Variants in NDST4 observed in about 807,000 individuals in gnomAD.
The protein encoded by NDST4 is N-deacetylase and N-sulfotransferase 4, also known as N-heparan sulfate sulfotransferase 4.
Under a neutral mutation model 100.8 loss-of-function variants are expected in NDST4, and 63 were observed. The ratio of observed to expected loss-of-function variants is 0.62; its 90% CI spans 0.51 to 0.77. The LOEUF is 0.77. Among genes scored for constraint, NDST4 ranks in the 30% least tolerant of loss-of-function variants. The probability of loss-of-function intolerance (pLI) is 0.00; values close to 1 mark genes in which losing one functional copy is unlikely to be tolerated. For synonymous variants in NDST4, 377 were observed against 361.8 expected (o/e 1.04, Z -0.48); for missense variants, 943 against 1,018.4 (o/e 0.93, Z 1.01).
At chr4:114,849,462 T>A (rs1277889401) in intron 8 of NDST4, among the ~76,000 whole-genome samples, 3 of 152,140 alleles carry the variant, frequency 2.0e-5, no homozygotes, top group Non-Finnish European at 2.9e-5. Context: ...CAGCAGATAA[T>A]TGGCATTTTG....
At chr4:114,911,603 CTATTGCA>C (rs1725063408) in intron 6 of NDST4, among the ~76,000 whole-genome samples, 1 of 152,138 alleles carries the variant, frequency 6.6e-6, no homozygotes, top group South Asian at 2.1e-4. Flanking sequence ...CAACTGAACA[CTATTGCA>C]GAGAAAGAGG....
At chr4:114,907,364 A>G (rs1394199974) in intron 6 of NDST4, among the ~76,000 whole-genome samples, 3 of 152,058 alleles carry the variant, frequency 2.0e-5, no homozygotes, top group African/African-American at 7.2e-5. Context: ...ACCTCACTAC[A>G]TTTCAGTTTA....
chr4:114,902,664 GTTTCTCTC>G (rs1420759905), intron 6 of NDST4, among the ~76,000 whole-genome samples: 1 of 151,642 alleles, frequency 6.6e-6, no homozygotes, highest in Non-Finnish European at 1.5e-5. Flanking sequence ...TATTCTCTTC[GTTTCTCTC>G]TTTCTCTCTT....
At chr4:115,043,141 A>C (rs1420926283) in intron 2 of NDST4, among the ~76,000 whole-genome samples, 3 of 152,068 alleles carry the variant, frequency 2.0e-5, no homozygotes, top group Non-Finnish European at 4.4e-5. Context: ...ATTTATTTTA[A>C]AGGCTCAAAG....
intron 3 of NDST4, among the ~76,000 whole-genome samples, chr4:114,976,251 G>A (rs937137699): frequency 1.3e-5 from 2 of 152,024 alleles, no homozygotes; most frequent in African/African-American, 4.8e-5. Flanking sequence ...AATAAATACT[G>A]TGAAATGTTT....
Position 114,986,830 on chromosome 4 carries a change from A to ATATATATATATATTTATTTATT in NDST4, c.979-9557_979-9556insAATAAATAAATATATATATATA, listed in dbSNP as rs1553959396. Among the ~76,000 whole-genome samples, 46 of 91,958 alleles carry ATATATATATATATTTATTTATT rather than the reference A, an allele frequency of 5.0e-4. 2 individuals are homozygous for ATATATATATATATTTATTTATT. Among genetic ancestry groups the ATATATATATATATTTATTTATT allele is most frequent in the African/African-American group, 1.8e-3 (42 of 23,318 alleles). 60.3% of individuals were successfully genotyped at this position (91,958 alleles called of 152,430 possible). On this transcript the variant is annotated intron_variant, in intron 2 of 13. Coordinates refer to ENST00000264363, the MANE Select transcript of NDST4 (RefSeq NM_022569.3). Reference sequence around the variant, plus strand: ...TATATATATATATATATATATATATATATTTTAATATACTATTCCTATAAG... The same window carrying ATATATATATATATTTATTTATT: ...TATATATATATATATATATATATATATATATATATATATTTATTTATTTATTTTAATATACTATTCCTATAAG...
chr4:114,909,271 G>C (rs189685250), intron 6 of NDST4, among the ~76,000 whole-genome samples: 115 of 152,290 alleles, frequency 7.6e-4, no homozygotes, highest in Middle Eastern at 3.4e-3. Flanking sequence ...AAAGCATATT[G>C]AGGATGTGTG....
chr4:114,833,781 C>CT, intron 11 of NDST4, 66 bp from the exon 12 acceptor site: 1 of 962,100 alleles, frequency 1.0e-6, no homozygotes, highest in Non-Finnish European at 1.6e-6. Flanking sequence ...TGATGCCTTC[C>CT]TTTACCTGGT....
chr4:114,925,074 T>C (rs1244815737), intron 6 of NDST4, among the ~76,000 whole-genome samples: 6 of 152,278 alleles, frequency 3.9e-5, no homozygotes, highest in Admixed American at 3.9e-4. Context: ...TATTATTTTA[T>C]GAAGATGAAT....
chr4:115,108,937 T>C (rs1408849959), intron 1 of NDST4, among the ~76,000 whole-genome samples: 1 of 131,618 alleles, frequency 7.6e-6, no homozygotes, highest in African/African-American at 2.8e-5. Flanking sequence ...CAAAAATGAA[T>C]GGAAATAAAG....
chr4:115,027,791 C>T (rs931322935), intron 2 of NDST4, among the ~76,000 whole-genome samples: 4 of 152,066 alleles, frequency 2.6e-5, no homozygotes, highest in East Asian at 1.9e-4. Flanking sequence ...CTTTGTCTTA[C>T]GCCTGTAATC....
chr4:114,837,438 T>C (rs554135833), intron 11 of NDST4, among the ~76,000 whole-genome samples: 63 of 152,240 alleles, frequency 4.1e-4, no homozygotes, highest in African/African-American at 1.4e-3. Flanking sequence ...AGTACAAGGC[T>C]ACAGTAACCA....
Position 114,929,108 on chromosome 4 carries a change from C to CTAT in NDST4, c.1536+6097_1536+6098insATA, listed in dbSNP as rs879528000. Reference sequence around the variant, plus strand: ...TCCATCCATCCATCCATCCATCCATCCATCCATCTATCTATCTATCTATCT... The same window carrying CTAT: ...TCCATCCATCCATCCATCCATCCATCTATCATCCATCTATCTATCTATCTATCT... On this transcript the variant is annotated intron_variant, in intron 6 of 13. Coordinates refer to ENST00000264363, the MANE Select transcript of NDST4 (RefSeq NM_022569.3). Among the ~76,000 whole-genome samples the CTAT allele has an allele frequency of 5.6e-3, 681 of 122,378 alleles. 5 individuals carry two copies. Among genetic ancestry groups the CTAT allele is most frequent in the Admixed American group, 8.4e-3 (104 of 12,454 alleles). 80.3% of individuals were successfully genotyped at this position (122,378 alleles called of 152,430 possible). A position where few individuals can be genotyped will look rare whatever the true frequency, so the allele number is the denominator to read the frequency against.
intron 2 of NDST4, among the ~76,000 whole-genome samples, chr4:115,035,102 C>T (rs1728204472): frequency 6.6e-6 from 1 of 152,056 alleles, no homozygotes; most frequent in African/African-American, 2.4e-5. Flanking sequence ...TATTCAATTG[C>T]AGAACATAGT....
At chr4:114,832,642 C>A (rs550346601) in intron 12 of NDST4, among the ~76,000 whole-genome samples, 1 of 152,262 alleles carries the variant, frequency 6.6e-6, no homozygotes, top group African/African-American at 2.4e-5. Context: ...CCCACCCCAC[C>A]AAGAGGTGCA....
chr4:114,958,065 C>T (rs1263918741), intron 4 of NDST4, among the ~76,000 whole-genome samples: 2 of 152,212 alleles, frequency 1.3e-5, no homozygotes, highest in African/African-American at 4.8e-5. Flanking sequence ...ACCCTCTTCT[C>T]ACAGCTCCAC....
Position 115,076,626 on chromosome 4 carries a change from C to G in NDST4, c.411G>C (p.Leu137=). ...KYTLVIYENI[L]KYVSMDSWNR... ...TCCATGAGTCCATGCTGACATACTT[C>G]AGAATATTTTCATAAATAACTAAAG... Residue 137 remains leucine, a synonymous_variant, in exon 2 of 14, where the codon CTG becomes CTC. Transcript: ENST00000264363. 6.2e-7 allele frequency: 1 copy of G among 1,613,734 alleles called. No homozygotes were observed. Among genetic ancestry groups the G allele is most frequent in the Non-Finnish European group, 8.5e-7 (1 of 1,179,782 alleles).
intron 2 of NDST4, among the ~76,000 whole-genome samples, chr4:115,065,057 A>G (rs923746704): frequency 2.6e-5 from 4 of 152,140 alleles, no homozygotes; most frequent in Non-Finnish European, 5.9e-5. Context: ...GCTGAAAACA[A>G]TAGTGATGAC....
At chr4:114,979,612 G>T (rs1726720323) in intron 2 of NDST4, among the ~76,000 whole-genome samples, 1 of 151,664 alleles carries the variant, frequency 6.6e-6, no homozygotes, top group Non-Finnish European at 1.5e-5. Context: ...ATATAGATAG[G>T]ATCTAGCATT....
Sources: allele counts gnomAD v4.1 joint callset (sites outside exome capture counted in the v4.1 genomes callset), GRCh38; gene constraint gnomAD v4.1.1; transcripts MANE v1.5; gene names NCBI Gene and HGNC (gene_info 2026-07-23, HGNC 2026-07-21).